The following SPIDR variants were observed in gnomAD, a reference collection of about 807,000 sequenced individuals.
SPIDR encodes DNA repair-scaffolding protein.
In SPIDR, 93 loss-of-function variants were observed where a neutral mutation model predicts 104.6. That is an observed-to-expected ratio of 0.89 (90% CI 0.75 to 1.06). SPIDR has a LOEUF of 1.06. SPIDR is among the 50% of genes least tolerant of loss of function. The pLI is 0.00. For synonymous variants in SPIDR, 431 were observed against 416.9 expected, an observed-to-expected ratio of 1.03 and a Z score of -0.41; for missense variants, 1,154 against 1,111.2, an observed-to-expected ratio of 1.04 and a Z score of -0.55.
intron 5 of SPIDR, among the ~76,000 whole-genome samples, chr8:47,387,206 G>A (rs187186255): frequency 4.1e-4 from 62 of 152,310 alleles, no homozygotes; most frequent in Admixed American, 1.4e-3. Flanking sequence ...CGTCAGAAGC[G>A]CTGGGGAGCA....
At chr8:47,657,670 G>C (rs369442128) in intron 10 of SPIDR, among the ~76,000 whole-genome samples, 6 of 151,988 alleles carry the variant, frequency 3.9e-5, no homozygotes, top group Non-Finnish European at 7.4e-5. Context: ...GTGTACAGGG[G>C]TTCTCTCTGT....
chr8:47,363,529 G>T (rs944782994), intron 5 of SPIDR, among the ~76,000 whole-genome samples: 7 of 150,826 alleles, frequency 4.6e-5, no homozygotes, highest in African/African-American at 1.7e-4. Flanking sequence ...TTAGGTCAAA[G>T]AGTATTTCAG....
intron 10 of SPIDR, among the ~76,000 whole-genome samples, chr8:47,613,302 C>T (rs2063837066): frequency 6.6e-6 from 1 of 152,228 alleles, no homozygotes; most frequent in South Asian, 2.1e-4. Flanking sequence ...TTTCAAGGCT[C>T]ATCCATGCTG....
chr8:47,479,325 C>T (rs2076623947), intron 8 of SPIDR, among the ~76,000 whole-genome samples: 1 of 150,036 alleles, frequency 6.7e-6, no homozygotes, highest in South Asian at 2.1e-4. Flanking sequence ...CACCAGTGCA[C>T]TCCAGCCTGG....
At chr8:47,704,935 T>G (rs2080858860) in intron 14 of SPIDR, among the ~76,000 whole-genome samples, 2 of 152,042 alleles carry the variant, frequency 1.3e-5, no homozygotes, top group South Asian at 4.1e-4. Context: ...TTGAGAGGGG[T>G]CAGTGTGTGT....
chr8:47,583,529 G>A (rs1398424734), intron 8 of SPIDR, among the ~76,000 whole-genome samples: 1 of 152,162 alleles, frequency 6.6e-6, no homozygotes, highest in Non-Finnish European at 1.5e-5. Flanking sequence ...TTGTGACAAT[G>A]AGATCTGTAG....
At chr8:47,462,268 G>T (rs1419316391) in intron 8 of SPIDR, among the ~76,000 whole-genome samples, 1 of 152,172 alleles carries the variant, frequency 6.6e-6, no homozygotes, top group Non-Finnish European at 1.5e-5. Context: ...AATGTGAACC[G>T]TCTTGAGGTT....
intron 5 of SPIDR, among the ~76,000 whole-genome samples, chr8:47,352,301 G>T (rs1340559912): frequency 1.3e-5 from 2 of 150,550 alleles, no homozygotes; most frequent in African/African-American, 2.4e-5. Flanking sequence ...AAGAAAGAAA[G>T]AAAATAATTT....
At chr8:47,692,128 C>T (rs2078737206) in intron 11 of SPIDR, among the ~76,000 whole-genome samples, 2 of 152,254 alleles carry the variant, frequency 1.3e-5, no homozygotes, top group South Asian at 4.1e-4. Flanking sequence ...ATTAGTGGCC[C>T]CTGTCTTAAG....
intron 8 of SPIDR, among the ~76,000 whole-genome samples, chr8:47,532,061 G>A (rs944752250): frequency 3.1e-5 from 4 of 131,060 alleles, no homozygotes; most frequent in African/African-American, 1.1e-4. Flanking sequence ...GATTGTCAGA[G>A]TGGATTTTTT....
intron 8 of SPIDR, among the ~76,000 whole-genome samples, chr8:47,522,910 A>C (rs941009795): frequency 3.3e-5 from 5 of 152,080 alleles, no homozygotes; most frequent in African/African-American, 1.2e-4. Flanking sequence ...TTGTTTTGAA[A>C]GGAATAGTTT....
chr8:47,696,683 G>T (rs1006876728), intron 11 of SPIDR, among the ~76,000 whole-genome samples: 6 of 152,174 alleles, frequency 3.9e-5, no homozygotes, highest in African/African-American at 1.4e-4. Context: ...TCATAGAAAG[G>T]TGTCTGCTTC....
chr8:47,601,827 G>T (rs918942630), intron 10 of SPIDR, among the ~76,000 whole-genome samples: 1 of 152,208 alleles, frequency 6.6e-6, no homozygotes, highest in African/African-American at 2.4e-5. Context: ...GTACAAAGAT[G>T]AACTTTGGAA....
At chr8:47,685,959 C>T (rs2077755295) in intron 11 of SPIDR, among the ~76,000 whole-genome samples, 2 of 151,972 alleles carry the variant, frequency 1.3e-5, no homozygotes, top group Admixed American at 1.3e-4. Flanking sequence ...GAGTTCAAGA[C>T]CAGCCTCGGC....
At chr8:47,415,013 C>T (rs1554674307) in intron 7 of SPIDR, among the ~76,000 whole-genome samples, 1 of 152,098 alleles carries the variant, frequency 6.6e-6, no homozygotes, top group Non-Finnish European at 1.5e-5. Flanking sequence ...ACACCATTCT[C>T]CTGCCTCAGC....
In SPIDR at chr8:47,713,599, C is replaced by T; in HGVS notation, c.2299C>T (p.Leu767=). The change falls in exon 16 of 20, where the codon CTG becomes TTG. Residue 767 remains leucine, a synonymous_variant. Coordinates refer to ENST00000297423, the MANE Select transcript of SPIDR (RefSeq NM_001080394.4). ...ELPGPVMLDS[L]DSATPVNSIC... ...GCCTGGCCCGGTGATGCTCGACAGC[C>T]TGGACTCTGCAACACCTGTCAACTC... 1 of 1,614,186 alleles carries T rather than the reference C, an allele frequency of 6.2e-7. No individual in the cohort carries two copies. The highest frequency in any genetic ancestry group is 1.1e-5 in the South Asian group (1 of 91,078).
intron 5 of SPIDR, among the ~76,000 whole-genome samples, chr8:47,370,899 C>G (rs1435234650): frequency 6.6e-6 from 1 of 152,220 alleles, no homozygotes; most frequent in East Asian, 1.9e-4. Flanking sequence ...ATTTCCTGCT[C>G]CTGCTTAACA....
chr8:47,524,294 T>TCCC (rs1320901799), intron 8 of SPIDR, among the ~76,000 whole-genome samples: 1 of 152,174 alleles, frequency 6.6e-6, no homozygotes, highest in Non-Finnish European at 1.5e-5. Context: ...ATGAGAAATC[T>TCCC]CCTCCTCCTC....
intron 8 of SPIDR, chr8:47,511,713 GGT>G (rs1365661682): frequency 8.8e-7 from 1 of 1,132,358 alleles, no homozygotes; most frequent in Non-Finnish European, 1.3e-6. Flanking sequence ...TTGGTGTACT[GGT>G]CTCTCCAGGT....
Sources: allele counts gnomAD v4.1 joint callset (sites outside exome capture counted in the v4.1 genomes callset), GRCh38; gene constraint gnomAD v4.1.1; transcripts MANE v1.5; gene names NCBI Gene and HGNC (gene_info 2026-07-23, HGNC 2026-07-21).